SKIC8: variants seen among roughly 807,000 people sequenced by gnomAD.
SKIC8 encodes superkiller complex protein 8.
At chr15:78,289,575 T>G in the SKIC8 span, 1 of 1,401,482 alleles carries the variant, frequency 7.1e-7, no homozygotes, top group South Asian at 1.2e-5. Context: ...TCTTCCTTTG[T>G]GATTTGATAA....
At chr15:78,285,266 C>G in the SKIC8 span, 2 of 1,614,112 alleles carry the variant, frequency 1.2e-6, no homozygotes, top group Non-Finnish European at 1.7e-6. Flanking sequence ...CATACCTGAT[C>G]CTGGTGATCA....
At chr15:78,294,924 C>G in the SKIC8 span, 1 of 1,614,058 alleles carries the variant, frequency 6.2e-7, no homozygotes, top group Admixed American at 1.7e-5. Flanking sequence ...AGATGAATTG[C>G]TTAAACAGGC....
At chr15:78,288,340 G>C in the SKIC8 span, 5 of 1,613,922 alleles carry the variant, frequency 3.1e-6, no homozygotes, top group South Asian at 1.1e-5. Flanking sequence ...AAGGAGCTGG[G>C]AGTCCGGGGA....
the SKIC8 span, among the ~76,000 whole-genome samples, chr15:78,297,346 T>G: frequency 6.6e-6 from 1 of 152,226 alleles, no homozygotes; most frequent in Non-Finnish European, 1.5e-5. Flanking sequence ...AAAAATGTCA[T>G]GTCTTCCAAA....
the SKIC8 span, chr15:78,285,548 A>T: frequency 6.9e-6 from 4 of 581,900 alleles, no homozygotes; most frequent in Non-Finnish European, 9.2e-6. Flanking sequence ...CCCTCATATT[A>T]ATTGTTCTCC....
chr15:78,288,457 T>C, the SKIC8 span: 1 of 1,407,574 alleles, frequency 7.1e-7, no homozygotes, highest in Non-Finnish European at 1.0e-6. Context: ...ACAATGCCCC[T>C]TTTAATGATT....
the SKIC8 span, chr15:78,291,648 C>T: frequency 1.3e-5 from 2 of 152,230 alleles, no homozygotes; most frequent in East Asian, 3.8e-4. Flanking sequence ...TTCCAGACAA[C>T]CCAGCCTCTT....
At chr15:78,293,061 T>C in the SKIC8 span, 2 of 1,040,692 alleles carry the variant, frequency 1.9e-6, no homozygotes, top group Admixed American at 2.3e-5. Context: ...TTGCTATTGC[T>C]TTCTTGCCTA....
chr15:78,296,894 C>T, the SKIC8 span, among the ~76,000 whole-genome samples: 1 of 152,142 alleles, frequency 6.6e-6, no homozygotes, highest in Non-Finnish European at 1.5e-5. Flanking sequence ...TCTATGAAGT[C>T]GCTACAGACA....
the SKIC8 span, chr15:78,290,141 C>T: frequency 6.4e-7 from 1 of 1,567,578 alleles, no homozygotes. Context: ...TGTGAAAAGA[C>T]TTGGCCTTAA....
the SKIC8 span, chr15:78,290,436 C>G: frequency 9.4e-6 from 2 of 212,026 alleles, no homozygotes; most frequent in Non-Finnish European, 1.9e-5. Flanking sequence ...TGATACTCAG[C>G]AATTCTACTC....
the SKIC8 span, chr15:78,294,821 G>T: frequency 9.8e-7 from 1 of 1,015,764 alleles, no homozygotes; most frequent in South Asian, 1.6e-5. Flanking sequence ...GTTTTCAGCT[G>T]CCAATTCTTC....
the SKIC8 span, chr15:78,289,727 T>C: frequency 6.2e-7 from 1 of 1,609,540 alleles, no homozygotes; most frequent in Non-Finnish European, 8.5e-7. Context: ...TCAGAGAACA[T>C]ATGGAGAAAT....
At chr15:78,297,622 G>A in the SKIC8 span, among the ~76,000 whole-genome samples, 1,793 of 152,192 alleles carry the variant, frequency 0.012, 44 homozygotes, top group African/African-American at 0.041. Context: ...TCATAACAAA[G>A]TCACACTGCT....
chr15:78,289,770 C>A, the SKIC8 span: 4 of 1,563,880 alleles, frequency 2.6e-6, no homozygotes, highest in South Asian at 3.4e-5. Flanking sequence ...GTTAAGCTGT[C>A]CCTACCAAAC....
the SKIC8 span, chr15:78,286,353 A>G: frequency 6.5e-5 from 29 of 447,536 alleles, no homozygotes; most frequent in Admixed American, 1.0e-3. Flanking sequence ...TGTTGACACC[A>G]CCAAAAGCCA....
At chr15:78,298,856 T>C in the SKIC8 span, among the ~76,000 whole-genome samples, 1 of 152,138 alleles carries the variant, frequency 6.6e-6, no homozygotes, top group Non-Finnish European at 1.5e-5. Context: ...AAGGGAGGCT[T>C]AGAAGCGGTT....
At chr15:78,295,420 T>TTTAA in the SKIC8 span, 2 of 470,314 alleles carry the variant, frequency 4.3e-6, no homozygotes, top group Non-Finnish European at 7.3e-6. Context: ...TTTTTTTTTG[T>TTTAA]ACAACATCTT....
chr15:78,295,142 T>C, the SKIC8 span: 2 of 721,092 alleles, frequency 2.8e-6, no homozygotes, highest in Non-Finnish European at 2.3e-6. Context: ...TCATGCAAGA[T>C]TTGTACAGTC....
Sources: allele counts gnomAD v4.1 joint callset (sites outside exome capture counted in the v4.1 genomes callset), GRCh38; gene constraint gnomAD v4.1.1; transcripts MANE v1.5; gene names NCBI Gene and HGNC (gene_info 2026-07-23, HGNC 2026-07-21).